CEP112: variants seen among roughly 807,000 people sequenced by gnomAD.
The protein encoded by CEP112 is centrosomal protein of 112 kDa.
Under a neutral mutation model 153.0 loss-of-function variants are expected in CEP112, and 127 were observed. That is an observed-to-expected ratio of 0.83 (90% CI 0.72 to 0.96). The LOEUF is 0.96. CEP112 is among the 40% of genes least tolerant of loss of function. CEP112 has a pLI of 0.00. For missense variants in CEP112, 1,089 were observed against 1,101.2 expected (o/e 0.99, Z 0.16); for synonymous variants, 358 against 374.4 (o/e 0.96, Z 0.51).
chr17:65,731,608 T>C (rs915765973), intron 23 of CEP112, among the ~76,000 whole-genome samples: 1 of 152,232 alleles, frequency 6.6e-6, no homozygotes, highest in Non-Finnish European at 1.5e-5. Flanking sequence ...AAGATTTCTC[T>C]GTAGCATGCG....
intron 20 of CEP112, among the ~76,000 whole-genome samples, chr17:65,896,725 T>C (rs1393800820): frequency 6.6e-6 from 1 of 151,924 alleles, no homozygotes; most frequent in Admixed American, 6.6e-5. Context: ...AAAAACAGCA[T>C]CTCCCCCACA....
chr17:66,116,686 T>C (rs957163226), intron 6 of CEP112, among the ~76,000 whole-genome samples: 6 of 152,174 alleles, frequency 3.9e-5, no homozygotes, highest in Admixed American at 3.9e-4. Flanking sequence ...TTAGAATTTC[T>C]TTATGCCTCA....
At chr17:66,082,235 A>G (rs1047378648) in intron 8 of CEP112, among the ~76,000 whole-genome samples, 10 of 152,156 alleles carry the variant, frequency 6.6e-5, no homozygotes, top group Admixed American at 5.2e-4. Context: ...GATTACTAAA[A>G]AAAGAAAGAA....
intron 24 of CEP112, among the ~76,000 whole-genome samples, chr17:65,681,942 A>C (rs1313415725): frequency 1.3e-5 from 2 of 151,564 alleles, no homozygotes; most frequent in African/African-American, 4.8e-5. Flanking sequence ...AGCCTCCCAA[A>C]GCGCTGGGAT....
chr17:65,740,654 A>G (rs1041460438), intron 23 of CEP112, among the ~76,000 whole-genome samples: 2 of 152,202 alleles, frequency 1.3e-5, no homozygotes, highest in Non-Finnish European at 2.9e-5. Flanking sequence ...AGGTCAGTTC[A>G]TCATCAACCC....
At chr17:65,661,386 T>G (rs1427596457) in intron 24 of CEP112, among the ~76,000 whole-genome samples, 1 of 152,200 alleles carries the variant, frequency 6.6e-6, no homozygotes, top group African/African-American at 2.4e-5. Flanking sequence ...TTGCATATAT[T>G]ATATTTCATT....
At chr17:66,046,143 C>T (rs184080522) in intron 12 of CEP112, among the ~76,000 whole-genome samples, 76 of 152,034 alleles carry the variant, frequency 5.0e-4, no homozygotes, top group African/African-American at 1.4e-3. Flanking sequence ...CCTGGGTTCA[C>T]GCCATCCTCC....
At chr17:65,913,981 C>A (rs1354911944) in intron 19 of CEP112, 2 of 544,368 alleles carry the variant, frequency 3.7e-6, no homozygotes, top group Non-Finnish European at 4.7e-6. Flanking sequence ...GTTTTATCTG[C>A]CAGATCTCAG....
intron 17 of CEP112, among the ~76,000 whole-genome samples, chr17:65,981,317 T>C (rs1163528422): frequency 6.6e-6 from 1 of 152,136 alleles, no homozygotes; most frequent in Non-Finnish European, 1.5e-5. Flanking sequence ...ACAGTTAACT[T>C]ATGGAAATTT....
At position 66,058,793 on chromosome 17, in the gene CEP112, G is replaced by A. The variant is rs557089129; in HGVS notation, c.1074+4170C>T. Among the ~76,000 whole-genome samples, 6 of 152,250 alleles carry A rather than the reference G, an allele frequency of 3.9e-5. No individual in the cohort carries two copies. The South Asian group carries it at 1.2e-3, about 32-fold the overall frequency. On this transcript the variant is annotated intron_variant, in intron 11 of 26. Transcript: ENST00000535342. ...CTTGAGCCCAGGAGCTCAAGGCTGT[G>A]GTGAGCTGTTATGGTGCCATTGCAC...
Position 65,904,305 on chromosome 17 carries a change from A to G in CEP112, c.1981-1971T>C, listed in dbSNP as rs149064866. On this transcript the variant is annotated intron_variant, in intron 19 of 26. Coordinates refer to ENST00000535342, the MANE Select transcript of CEP112 (RefSeq NM_001199165.4). ...AAATCACAAGCATTCCTGTACACCA[A>G]TAATAGACAAACAGAGAGCCAAATC... Among the ~76,000 whole-genome samples, 1,283 of 152,306 alleles carry G rather than the reference A, an allele frequency of 8.4e-3. 8 individuals carry two copies. The highest frequency in any genetic ancestry group is 0.014 in the Middle Eastern group (4 of 294).
intron 4 of CEP112, among the ~76,000 whole-genome samples, chr17:66,167,504 A>C (rs2072028218): frequency 6.6e-6 from 1 of 152,140 alleles, no homozygotes; most frequent in Non-Finnish European, 1.5e-5. Context: ...AACTTGCCTG[A>C]GGACAGATGG....
chr17:65,905,685 T>C (rs1476572496), intron 19 of CEP112, among the ~76,000 whole-genome samples: 1 of 152,128 alleles, frequency 6.6e-6, no homozygotes, highest in Admixed American at 6.5e-5. Flanking sequence ...ATCCCAGCAC[T>C]TTGGGAGGCT....
At chr17:65,674,204 A>G (rs892875656) in intron 24 of CEP112, among the ~76,000 whole-genome samples, 3 of 152,216 alleles carry the variant, frequency 2.0e-5, no homozygotes, top group African/African-American at 7.2e-5. Context: ...AATTAGAAAA[A>G]CAAATCAATA....
chr17:65,668,992 G>A (rs1481994998), intron 24 of CEP112, among the ~76,000 whole-genome samples: 1 of 152,126 alleles, frequency 6.6e-6, no homozygotes, highest in African/African-American at 2.4e-5. Context: ...TCTCTAATGT[G>A]TGACAATTTC....
intron 18 of CEP112, among the ~76,000 whole-genome samples, chr17:65,958,715 C>T (rs1032587197): frequency 1.3e-5 from 2 of 152,178 alleles, no homozygotes; most frequent in Non-Finnish European, 2.9e-5. Flanking sequence ...GCACCATGAA[C>T]AGCAGCAGGG....
intron 21 of CEP112, among the ~76,000 whole-genome samples, chr17:65,787,808 T>C (rs1288715663): frequency 1.3e-5 from 2 of 152,244 alleles, no homozygotes; most frequent in Non-Finnish European, 2.9e-5. Flanking sequence ...AATAGTTTAC[T>C]GATCCACTTA....
intron 20 of CEP112, among the ~76,000 whole-genome samples, chr17:65,871,742 T>C (rs1056315371): frequency 6.6e-6 from 1 of 152,188 alleles, no homozygotes; most frequent in Non-Finnish European, 1.5e-5. Flanking sequence ...GACAGCAACA[T>C]AGTATCCTCG....
At position 65,655,385 on chromosome 17, in the gene CEP112, C is replaced by T. The variant is rs546570349; in HGVS notation, c.2698-14320G>A. ...AAGACTACGAAAGGAAGCTCAACTC[C>T]AGTAAAGAACTAAGAACAGTACATG... On this transcript the variant is annotated intron_variant, in intron 24 of 26. Coordinates refer to ENST00000535342, the MANE Select transcript of CEP112 (RefSeq NM_001199165.4). 190 of 1,540,222 alleles carry T rather than the reference C, an allele frequency of 1.2e-4. No homozygotes were observed. In the East Asian group the frequency reaches 3.9e-3, roughly 31 times the overall value.
Sources: allele counts gnomAD v4.1 joint callset (sites outside exome capture counted in the v4.1 genomes callset), GRCh38; gene constraint gnomAD v4.1.1; transcripts MANE v1.5; gene names NCBI Gene and HGNC (gene_info 2026-07-23, HGNC 2026-07-21).